Variants in CDC14A observed in about 807,000 individuals in gnomAD.
The protein encoded by CDC14A is cell division cycle 14A.
In CDC14A, 53 loss-of-function variants were observed where a neutral mutation model predicts 74.4. The ratio of observed to expected loss-of-function variants is 0.71; its 90% confidence interval spans 0.57 to 0.89. The LOEUF (loss-of-function observed/expected upper bound fraction) is 0.89, where lower values mean the gene tolerates loss of function less well. CDC14A is among the 40% of genes least tolerant of loss of function. CDC14A has a pLI of 0.00. For missense variants in CDC14A, 646 were observed against 713.7 expected, an observed-to-expected ratio of 0.91 and a Z score of 1.08; for synonymous variants, 247 against 258.4, an observed-to-expected ratio of 0.96 and a Z score of 0.43.
chr1:100,489,888 G>A (rs1670447118), intron 11 of CDC14A, among the ~76,000 whole-genome samples: 1 of 152,220 alleles, frequency 6.6e-6, no homozygotes, highest in African/African-American at 2.4e-5. Flanking sequence ...CTTAGGACAA[G>A]AGAGAGTCTG....
rs79001172 is a variant in CDC14A at position 100,380,440 on chromosome 1, C to T, written c.216+2819C>T. Among the ~76,000 whole-genome samples, 664 of 152,338 alleles carry T rather than the reference C, an allele frequency of 4.4e-3. 8 individuals carry two copies. The highest frequency in any genetic ancestry group is 0.015 in the African/African-American group (616 of 41,566). Reference sequence around the variant, plus strand: ...CCAGCTACCTGACCTTGTTGTCCCACGCTGACTTTGAGGCTCCTCTGCCTC... The same window carrying T: ...CCAGCTACCTGACCTTGTTGTCCCATGCTGACTTTGAGGCTCCTCTGCCTC... On this transcript the variant is annotated intron_variant, in intron 3 of 15. Coordinates refer to ENST00000336454, the MANE Select transcript of CDC14A (RefSeq NM_003672.4).
intron 15 of CDC14A, among the ~76,000 whole-genome samples, chr1:100,510,857 G>A (rs1368674274): frequency 6.6e-6 from 1 of 152,070 alleles, no homozygotes; most frequent in Non-Finnish European, 1.5e-5. Context: ...CCACCTGGCT[G>A]TTCCAAAACT....
intron 2 of CDC14A, among the ~76,000 whole-genome samples, chr1:100,365,240 G>A (rs764270988): frequency 1.3e-5 from 2 of 152,170 alleles, no homozygotes; most frequent in East Asian, 3.8e-4. Flanking sequence ...CATGGAAAAA[G>A]TTGTGTTCTT....
chr1:100,371,984 C>T (rs1034527877), intron 2 of CDC14A, among the ~76,000 whole-genome samples: 2 of 152,090 alleles, frequency 1.3e-5, no homozygotes, highest in African/African-American at 4.8e-5. Context: ...GGTTCTAGAC[C>T]ACCACAATAA....
chr1:100,509,001 T>C (rs6693358), intron 15 of CDC14A, among the ~76,000 whole-genome samples: 134,328 of 152,186 alleles, frequency 0.88, 61,425 homozygotes, highest in Non-Finnish European at 1. Flanking sequence ...GCTTGCTGTT[T>C]AGTGCCTTTT....
intron 13 of CDC14A, 145 bp from the exon 14 acceptor site, chr1:100,497,940 C>CA: frequency 1.4e-6 from 1 of 726,332 alleles, no homozygotes; most frequent in Non-Finnish European, 2.2e-6. Context: ...AGTGCTGTGT[C>CA]AGTGGTGGCT....
chr1:100,447,374 G>T (rs542129613), intron 7 of CDC14A, among the ~76,000 whole-genome samples: 106 of 152,188 alleles, frequency 7.0e-4, no homozygotes, highest in Non-Finnish European at 1.4e-3. Flanking sequence ...TTAGCAAGCT[G>T]TTGTGGAACT....
chr1:100,433,284 AG>A (rs1470938402), intron 5 of CDC14A, among the ~76,000 whole-genome samples: 4 of 152,332 alleles, frequency 2.6e-5, no homozygotes, highest in Admixed American at 2.0e-4. Context: ...TAATTCATTT[AG>A]CAACATCTAT....
At chr1:100,457,383 T>C (rs1281499145) in intron 8 of CDC14A, among the ~76,000 whole-genome samples, 1 of 152,234 alleles carries the variant, frequency 6.6e-6, no homozygotes, top group Non-Finnish European at 1.5e-5. Context: ...AAGATCCATG[T>C]AATCATTTTC....
At chr1:100,411,302 C>T (rs540244928) in intron 4 of CDC14A, among the ~76,000 whole-genome samples, 2 of 152,340 alleles carry the variant, frequency 1.3e-5, no homozygotes, top group Admixed American at 1.3e-4. Flanking sequence ...CTCTATCACT[C>T]TTTCTTGTTG....
chr1:100,376,903 A>G (rs775225176), intron 2 of CDC14A, among the ~76,000 whole-genome samples: 7 of 152,228 alleles, frequency 4.6e-5, no homozygotes, highest in Non-Finnish European at 1.5e-5. Flanking sequence ...AAAGAAATAA[A>G]AGCAAGTAGT....
chr1:100,399,024 G>T (rs911845682), intron 4 of CDC14A, among the ~76,000 whole-genome samples: 1 of 152,044 alleles, frequency 6.6e-6, no homozygotes, highest in South Asian at 2.1e-4. Context: ...TTAAATGTCC[G>T]TTTTGAAAAG....
intron 10 of CDC14A, among the ~76,000 whole-genome samples, chr1:100,482,441 T>G (rs1364208796): frequency 6.6e-6 from 1 of 152,204 alleles, no homozygotes; most frequent in East Asian, 1.9e-4. Flanking sequence ...TGCTTGGCAA[T>G]ACTCTTAGCT....
chr1:100,363,117 T>C, intron 2 of CDC14A: 1 of 152,382 alleles, frequency 6.6e-6, no homozygotes. Context: ...AATCTTATTA[T>C]GCAAATGGAC....
chr1:100,381,187 G>T (rs1656043787), intron 3 of CDC14A, among the ~76,000 whole-genome samples: 1 of 152,180 alleles, frequency 6.6e-6, no homozygotes, highest in South Asian at 2.1e-4. Context: ...TTCATTTGCA[G>T]ATCCCCCTTT....
intron 11 of CDC14A, among the ~76,000 whole-genome samples, chr1:100,493,506 A>G (rs572210260): frequency 6.6e-6 from 1 of 152,278 alleles, no homozygotes; most frequent in South Asian, 2.1e-4. Context: ...TTCCTCCCCC[A>G]TTGGGGTTGT....
intron 14 of CDC14A, 107 bp from the exon 15 acceptor site, chr1:100,498,822 T>C (rs1009456547): frequency 6.4e-6 from 9 of 1,415,276 alleles, no homozygotes; most frequent in Non-Finnish European, 8.4e-6. Flanking sequence ...AGATTCATCT[T>C]CATCATGTTC....
intron 11 of CDC14A, among the ~76,000 whole-genome samples, chr1:100,487,558 TCAAAAACAAAA>T (rs1458949229): frequency 1.7e-5 from 1 of 58,080 alleles, no homozygotes; most frequent in African/African-American, 3.8e-5. Context: ...AGACTCGGTC[TCAAAAACAAAA>T]CAGAACAAAA....
chr1:100,468,650 G>A (rs1241800436), intron 10 of CDC14A, among the ~76,000 whole-genome samples: 2 of 152,210 alleles, frequency 1.3e-5, no homozygotes, highest in Non-Finnish European at 2.9e-5. Context: ...GAATACTTAT[G>A]TATTCACTCA....
Sources: gnomAD v4.1 joint callset for allele counts (sites outside exome capture counted in the v4.1 genomes callset) on GRCh38, gnomAD v4.1.1 for gene constraint, MANE v1.5 for transcripts, NCBI Gene and HGNC (gene_info 2026-07-23, HGNC 2026-07-21) for gene names.